KIAA0825: variants seen among roughly 807,000 people sequenced by gnomAD.
KIAA0825 encodes the protein KIAA0825, also known as uncharacterized protein KIAA0825.
Under a neutral mutation model 147.6 loss-of-function variants are expected in KIAA0825, and 119 were observed. That is an observed-to-expected ratio of 0.81 (90% CI 0.69 to 0.94). The LOEUF (loss-of-function observed/expected upper bound fraction) is 0.94, where lower values mean the gene tolerates loss of function less well. KIAA0825 is among the 40% of genes least tolerant of loss of function. KIAA0825 has a pLI of 0.00. For missense variants in KIAA0825, 1,381 were observed against 1,472.7 expected (o/e 0.94, Z 1.02); for synonymous variants, 470 against 518.1 (o/e 0.91, Z 1.26).
chr5:94,257,439 A>G lies in KIAA0825; in HGVS notation c.3711-103315T>C, dbSNP rs192484619. On this transcript the variant is annotated intron_variant, in intron 20 of 20. Transcript: ENST00000682413. ...TCACTGAAGATCAGATGTTAGAGAA[A>G]TGAATTCTGTTTAGATTCGTGCCAT... Among the ~76,000 whole-genome samples, 164 of 152,216 alleles carry G rather than the reference A, an allele frequency of 1.1e-3. 1 individual carries two copies. The highest frequency in any genetic ancestry group is 3.9e-3 in the African/African-American group (160 of 41,556).
chr5:94,265,107 G>T (rs960392423), intron 20 of KIAA0825, among the ~76,000 whole-genome samples: 1 of 152,052 alleles, frequency 6.6e-6, no homozygotes, highest in South Asian at 2.1e-4. Context: ...TTATTCTATA[G>T]GTTCAGCGAT....
intron 20 of KIAA0825, among the ~76,000 whole-genome samples, chr5:94,173,338 G>T (rs543902269): frequency 6.6e-6 from 1 of 152,290 alleles, no homozygotes; most frequent in East Asian, 1.9e-4. Flanking sequence ...GGAAGAGTTT[G>T]TCTCTACTCC....
chr5:94,164,323 C>A (rs984261784), intron 20 of KIAA0825, among the ~76,000 whole-genome samples: 1 of 151,846 alleles, frequency 6.6e-6, no homozygotes, highest in African/African-American at 2.4e-5. Context: ...GTATAGTAAC[C>A]AAAACAGTAT....
intron 18 of KIAA0825, 60 bp downstream of exon 18, chr5:94,391,475 G>A: frequency 6.6e-7 from 1 of 1,520,188 alleles, no homozygotes; most frequent in Non-Finnish European, 8.9e-7. Flanking sequence ...TTAGCTGCCA[G>A]CAGACGCTGC....
Position 94,391,523 on chromosome 5 carries a change from C to T in KIAA0825, c.3456+12G>A, listed in dbSNP as rs1286634919. ...CACACCTAATTGCTCGATAAAAAGG[C>T]CGTTTCCCTACCTCATTGAGCTGCA... On this transcript the variant is annotated intron_variant, in intron 18 of 20. Coordinates refer to ENST00000682413, the MANE Select transcript of KIAA0825 (RefSeq NM_001145678.3). 1 of 1,549,580 alleles carries T rather than the reference C, an allele frequency of 6.5e-7. No individual in the cohort carries two copies. The highest frequency in any genetic ancestry group is 2.0e-5 in the Admixed American group (1 of 50,982).
chr5:94,428,655 C>T (rs2150773593), intron 14 of KIAA0825, among the ~76,000 whole-genome samples: 1 of 152,198 alleles, frequency 6.6e-6, no homozygotes, highest in African/African-American at 2.4e-5. Flanking sequence ...ATGATCTGGC[C>T]ATTTTTTCTA....
Position 94,474,426 on chromosome 5 carries a change from C to T in KIAA0825, c.1228-907G>A, listed in dbSNP as rs1160075458. ...GCCACCTACCCCAACTTCAGAAAACCCTGAGCTCCATGTCCCTGACTGAAT... is the reference window on the plus strand; with the variant it reads ...GCCACCTACCCCAACTTCAGAAAACTCTGAGCTCCATGTCCCTGACTGAAT... On this transcript the variant is annotated intron_variant, in intron 7 of 20. Transcript: ENST00000682413. 3.3e-5 allele frequency among the ~76,000 whole-genome samples: 5 copies of T among 152,084 alleles called. No individual in the cohort carries two copies. The East Asian group carries it at 9.6e-4, about 29-fold the overall frequency.
chr5:94,382,029 C>T (rs1242790926), intron 20 of KIAA0825, among the ~76,000 whole-genome samples: 1 of 152,086 alleles, frequency 6.6e-6, no homozygotes, highest in South Asian at 2.1e-4. Flanking sequence ...ATTCACAGCC[C>T]CATACATACA....
intron 20 of KIAA0825, among the ~76,000 whole-genome samples, chr5:94,188,407 A>G (rs187853659): frequency 2.0e-5 from 3 of 152,210 alleles, no homozygotes; most frequent in Non-Finnish European, 4.4e-5. Context: ...GCTCTTTAAT[A>G]CCTGTTAGTA....
chr5:94,501,197 T>C (rs888376629), intron 5 of KIAA0825, among the ~76,000 whole-genome samples: 1 of 152,250 alleles, frequency 6.6e-6, no homozygotes, highest in African/African-American at 2.4e-5. Context: ...TTGCTATATA[T>C]TGATGTTTGG....
chr5:94,184,580 A>G (rs944155186), intron 20 of KIAA0825, among the ~76,000 whole-genome samples: 2 of 152,200 alleles, frequency 1.3e-5, no homozygotes, highest in African/African-American at 4.8e-5. Context: ...TATCTTGTCT[A>G]TATTCAACAA....
At chr5:94,412,804 C>T (rs1441808561) in intron 15 of KIAA0825, among the ~76,000 whole-genome samples, 3 of 152,128 alleles carry the variant, frequency 2.0e-5, no homozygotes, top group East Asian at 1.9e-4. Context: ...GACCCTTGAA[C>T]AACATGGGTT....
At chr5:94,155,378 TGGC>T (rs1766943628) in intron 20 of KIAA0825, among the ~76,000 whole-genome samples, 1 of 151,452 alleles carries the variant, frequency 6.6e-6, no homozygotes, top group Non-Finnish European at 1.5e-5. Context: ...CCACCATGCC[TGGC>T]CAATTTTTTT....
chr5:94,242,463 C>T lies in KIAA0825; in HGVS notation c.3711-88339G>A, dbSNP rs542228067. On this transcript the variant is annotated intron_variant, in intron 20 of 20. Coordinates refer to ENST00000682413, the MANE Select transcript of KIAA0825 (RefSeq NM_001145678.3). ...TAGTCCTTCTAACACTCTTCCCACC[C>T]CAGACCTCAGCCCTCATTCTGAAAT... 2.0e-4 allele frequency among the ~76,000 whole-genome samples: 31 copies of T among 152,264 alleles called. No individual in the cohort carries two copies. In the East Asian group the frequency reaches 5.8e-3, roughly 28 times the overall value.
intron 20 of KIAA0825, among the ~76,000 whole-genome samples, chr5:94,294,475 C>G (rs1189831938): frequency 6.6e-6 from 1 of 152,202 alleles, no homozygotes; most frequent in Admixed American, 6.5e-5. Flanking sequence ...CACCTGTAAT[C>G]CCAGCACTTT....
chr5:94,453,414 T>C (rs1758686286), intron 12 of KIAA0825, among the ~76,000 whole-genome samples: 1 of 150,482 alleles, frequency 6.6e-6, no homozygotes, highest in East Asian at 2.0e-4. Context: ...CTCGAACCCC[T>C]GAACTCAGGC....
chr5:94,210,572 G>A (rs1197686367), intron 20 of KIAA0825, among the ~76,000 whole-genome samples: 1 of 152,142 alleles, frequency 6.6e-6, no homozygotes, highest in African/African-American at 2.4e-5. Context: ...GGTGGTAATT[G>A]TGTCAGTTCA....
rs895751904 is a variant in KIAA0825, at chr5:94,591,737, C to T, written c.-152-9154G>A. Among the ~76,000 whole-genome samples, 8 of 152,026 alleles carry T rather than the reference C, an allele frequency of 5.3e-5. No homozygotes were observed. In the South Asian group the frequency reaches 1.2e-3, roughly 24 times the overall value. ...TTTCACACTGCTATAAAGAAATACCCGAGACTGGGTAATTTATAAAGAAAA... is the reference window on the plus strand; with the variant it reads ...TTTCACACTGCTATAAAGAAATACCTGAGACTGGGTAATTTATAAAGAAAA... On this transcript the variant is annotated intron_variant, in intron 1 of 20. Transcript: ENST00000682413.
Position 94,464,960 on chromosome 5 carries a change from T to A in KIAA0825, c.1972A>T (p.Ile658Phe), listed in dbSNP as rs1288222594. Residue 658 changes from isoleucine to phenylalanine, a missense_variant, in exon 11 of 21, where the codon ATT becomes TTT. Transcript: ENST00000682413. The part of the protein sequence containing the change: ...TILPPKLAQE[I>F]LVEVLEKSLS... ...GATTTCTCCAGCACTTCCACTAGAA[T>A]CTCCTGGGCTAACTTAGGAGGCAGA... 1 of 1,551,514 alleles carries A rather than the reference T, an allele frequency of 6.4e-7. No homozygotes were observed. Among genetic ancestry groups the A allele is most frequent in the Non-Finnish European group, 8.7e-7 (1 of 1,146,978 alleles).
Sources: gnomAD v4.1 joint callset for allele counts (sites outside exome capture counted in the v4.1 genomes callset) on GRCh38, gnomAD v4.1.1 for gene constraint, MANE v1.5 for transcripts, NCBI Gene and HGNC (gene_info 2026-07-23, HGNC 2026-07-21) for gene names.